Variants in ERICH1 observed in about 807,000 individuals in gnomAD.
ERICH1 encodes the protein glutamate-rich protein 1.
In ERICH1, 56 loss-of-function variants were observed where a neutral mutation model predicts 39.6. The observed-to-expected ratio is 1.41, with a 90% CI of 1.14 to 1.77. The LOEUF (loss-of-function observed/expected upper bound fraction) is 1.77, where lower values mean the gene tolerates loss of function less well. ERICH1 is among the 40% of genes most tolerant of loss of function. ERICH1 has a pLI of 0.00. For synonymous variants in ERICH1, 313 were observed against 223.6 expected (o/e 1.40, Z -3.57); for missense variants, 826 against 575.4 (o/e 1.44, Z -4.45).
At chr8:705,821 A>G (rs1156760513) in intron 2 of ERICH1, among the ~76,000 whole-genome samples, 2 of 152,228 alleles carry the variant, frequency 1.3e-5, no homozygotes, top group Non-Finnish European at 2.9e-5. Flanking sequence ...GATGTACCAC[A>G]AAAGACACTG....
intron 3 of ERICH1, among the ~76,000 whole-genome samples, chr8:680,849 G>T (rs1171745876): frequency 6.6e-6 from 1 of 152,218 alleles, no homozygotes; most frequent in Non-Finnish European, 1.5e-5. Flanking sequence ...ACACCACCTG[G>T]CCCCACTTCT....
chr8:682,235 A>C (rs531119109), intron 3 of ERICH1, among the ~76,000 whole-genome samples: 1 of 152,138 alleles, frequency 6.6e-6, no homozygotes, highest in Non-Finnish European at 1.5e-5. Context: ...CCAGCTTCTC[A>C]AAGTCTCATC....
At chr8:682,681 C>T (rs1264288883) in intron 3 of ERICH1, among the ~76,000 whole-genome samples, 1 of 152,212 alleles carries the variant, frequency 6.6e-6, no homozygotes, top group Admixed American at 6.5e-5. Flanking sequence ...TAAAAGGAGT[C>T]ACAATGTGTC....
At chr8:692,945 A>G (rs2132073997) in intron 2 of ERICH1, among the ~76,000 whole-genome samples, 1 of 152,322 alleles carries the variant, frequency 6.6e-6, no homozygotes, top group Middle Eastern at 3.4e-3. Context: ...AAATATAAAC[A>G]GTTTGCACGA....
At chr8:655,724 C>T (rs1321946510) in intron 3 of ERICH1, among the ~76,000 whole-genome samples, 1 of 150,832 alleles carries the variant, frequency 6.6e-6, no homozygotes, top group Non-Finnish European at 1.5e-5. Flanking sequence ...TCCTCTGTGC[C>T]CCACTTCCAT....
chr8:682,866 T>G (rs571730021), intron 3 of ERICH1, among the ~76,000 whole-genome samples: 4 of 152,346 alleles, frequency 2.6e-5, no homozygotes, highest in Admixed American at 6.5e-5. Context: ...GATTCAAAGC[T>G]AGGCTACAAA....
At chr8:619,066 G>C (rs1224933452) in intron 3 of ERICH1, among the ~76,000 whole-genome samples, 2 of 152,200 alleles carry the variant, frequency 1.3e-5, no homozygotes, top group African/African-American at 4.8e-5. Flanking sequence ...TTCAGCCTCA[G>C]CCCTCCCTCC....
intron 3 of ERICH1, among the ~76,000 whole-genome samples, chr8:642,368 A>G (rs1370730955): frequency 4.3e-5 from 5 of 115,992 alleles, no homozygotes; most frequent in East Asian, 2.7e-4. Context: ...TTTTTGAGAC[A>G]GAGTCTCGCT....
intron 5 of ERICH1, chr8:668,218 G>A (rs150838431): frequency 4.9e-5 from 14 of 287,924 alleles, no homozygotes; most frequent in Non-Finnish European, 7.3e-5. Flanking sequence ...TCATCACCAC[G>A]TCAGGGGTTC....
chr8:620,662 A>T (rs1178074159), intron 3 of ERICH1, among the ~76,000 whole-genome samples: 3 of 152,256 alleles, frequency 2.0e-5, no homozygotes, highest in Non-Finnish European at 4.4e-5. Flanking sequence ...CTATACTAAC[A>T]TCAGAAAAAA....
chr8:704,296 C>A (rs570755547), intron 2 of ERICH1, among the ~76,000 whole-genome samples: 1 of 152,138 alleles, frequency 6.6e-6, no homozygotes, highest in Non-Finnish European at 1.5e-5. Flanking sequence ...AGGAAGCCCC[C>A]GGGAGAGGTG....
chr8:651,701 A>G (rs1799968463), intron 3 of ERICH1, among the ~76,000 whole-genome samples: 4 of 116,846 alleles, frequency 3.4e-5, no homozygotes, highest in African/African-American at 1.4e-4. Flanking sequence ...GAGGGGAGAG[A>G]GAGGCTGAGA....
At chr8:672,454 T>C (rs956228595) in intron 4 of ERICH1, among the ~76,000 whole-genome samples, 4 of 152,230 alleles carry the variant, frequency 2.6e-5, no homozygotes, top group African/African-American at 9.7e-5. Flanking sequence ...AATTATTACA[T>C]AGCTGATATT....
At position 644,928 on chromosome 8, in the gene ERICH1, ACTGT is replaced by A. The variant is rs1359372537; in HGVS notation, c.976+23666_976+23669del. Among the ~76,000 whole-genome samples, 4 of 69,044 alleles carry A rather than the reference ACTGT, an allele frequency of 5.8e-5. 1 individual carries two copies. Among genetic ancestry groups the A allele is most frequent in the African/African-American group, 1.5e-4 (4 of 27,438 alleles). The allele number at this position is 69,044 out of a possible 152,430, so 45.3% of individuals were successfully genotyped here. A position where few individuals can be genotyped will look rare whatever the true frequency, so the allele number is the denominator to read the frequency against. The stretch of plus-strand genomic sequence containing the variant: ...TTGCGGGAGGCTGGGACCCGAACAC[ACTGT>A]CTGTTCTCTCAGAGGCAGGAGCTAC... On this transcript the variant is annotated intron_variant, in intron 3 of 3. Coordinates refer to the ERICH1 transcript ENST00000522706.
downstream of ERICH1, among the ~76,000 whole-genome samples, chr8:662,862 G>C (rs1444423299): frequency 1.3e-5 from 2 of 152,042 alleles, no homozygotes; most frequent in Non-Finnish European, 1.5e-5. Flanking sequence ...GTTAGGGGAA[G>C]AGAAGGGAGG....
At chr8:622,117 G>T (rs183583726) in intron 3 of ERICH1, among the ~76,000 whole-genome samples, 176 of 152,314 alleles carry the variant, frequency 1.2e-3, no homozygotes, top group African/African-American at 4.0e-3. Context: ...AGCTACTTGG[G>T]AGACTGTGGC....
downstream of ERICH1, among the ~76,000 whole-genome samples, chr8:661,993 T>C (rs1801490371): frequency 6.6e-6 from 1 of 151,760 alleles, no homozygotes; most frequent in Admixed American, 6.6e-5. Context: ...AGGCCACACA[T>C]GACCCACCAC....
At chr8:629,548 C>A (rs1007847264) in intron 3 of ERICH1, among the ~76,000 whole-genome samples, 1 of 151,352 alleles carries the variant, frequency 6.6e-6, no homozygotes, top group African/African-American at 2.4e-5. Flanking sequence ...CCTGTGAGCA[C>A]CCACACGGAC....
At chr8:620,206 G>T (rs1797194002) in intron 3 of ERICH1, among the ~76,000 whole-genome samples, 1 of 152,188 alleles carries the variant, frequency 6.6e-6, no homozygotes, top group African/African-American at 2.4e-5. Flanking sequence ...CAGCTACTCA[G>T]GAGGCTGAGG....
Sources: allele counts gnomAD v4.1 joint callset (sites outside exome capture counted in the v4.1 genomes callset), GRCh38; gene constraint gnomAD v4.1.1; transcripts MANE v1.5; gene names NCBI Gene and HGNC (gene_info 2026-07-23, HGNC 2026-07-21).